The following SEC22B variants were observed in gnomAD, a reference collection of about 807,000 sequenced individuals.
SEC22B encodes the protein SEC22 homolog B, vesicle trafficking protein.
A neutral mutation model predicts 31.4 loss-of-function variants in SEC22B; 10 were observed. The observed-to-expected ratio is 0.32, with a 90% CI of 0.20 to 0.54. SEC22B has a LOEUF of 0.54. Ranked by LOEUF, SEC22B falls within the 20% of genes least tolerant of loss-of-function variation. The pLI is 0.94. For synonymous variants in SEC22B, 60 were observed against 95.9 expected (o/e 0.63, Z 2.19); for missense variants, 130 against 263.4 (o/e 0.49, Z 3.50).
chr1:120,172,745 T>C (rs1321383544), intron 1 of SEC22B, among the ~76,000 whole-genome samples: 2 of 66,974 alleles, frequency 3.0e-5, no homozygotes, highest in East Asian at 4.2e-4. Context: ...GATATCCTCA[T>C]TGTGTTTTCT....
rs587758224 is a variant in SEC22B at position 120,153,167 on chromosome 1, C to T, written c.*3871G>A. The T allele has an allele frequency of 6.6e-6, 1 of 151,740 alleles. No homozygotes were observed. Among genetic ancestry groups the T allele is most frequent in the East Asian group, 1.9e-4 (1 of 5,156 alleles). 9.4% of individuals were successfully genotyped at this position (151,740 alleles called of 1,614,324 possible). A position where few individuals can be genotyped will look rare whatever the true frequency, so the allele number is the denominator to read the frequency against. On this transcript the variant is annotated 3_prime_UTR_variant, in exon 5 of 5. Coordinates refer to ENST00000578049, the MANE Select transcript of SEC22B (RefSeq NM_004892.6). Reference sequence around the variant, plus strand: ...AGTAATAAGAATAGGATGTGAGATTCAATATGCTCATTCTATCTCAAACTC... The same window carrying T: ...AGTAATAAGAATAGGATGTGAGATTTAATATGCTCATTCTATCTCAAACTC...
chr1:120,163,724 C>T (rs1296319827), intron 2 of SEC22B, among the ~76,000 whole-genome samples: 4 of 151,226 alleles, frequency 2.6e-5, no homozygotes, highest in East Asian at 1.9e-4. Context: ...TACAGGCGTG[C>T]GCCACTATGC....
intron 1 of SEC22B, among the ~76,000 whole-genome samples, chr1:120,174,377 A>G (rs1285053183): frequency 1.3e-5 from 2 of 152,338 alleles, no homozygotes; most frequent in African/African-American, 4.8e-5. Context: ...CTTTACAGAC[A>G]TTAAAAGTTT....
In SEC22B at chr1:120,163,338, A is replaced by G. The variant is rs1325932670; in HGVS notation, c.218T>C (p.Val73Ala). 6.2e-7 allele frequency: 1 copy of G among 1,606,326 alleles called. No homozygotes were observed. Among genetic ancestry groups the G allele is most frequent in the Non-Finnish European group, 8.5e-7 (1 of 1,176,396 alleles). ...YIIEQGVCYL[V>A]LCEAAFPKKL... ...CTTAGGGAAGGCAGCTTCACATAAA[A>G]CCAAATAACACACCCCCTGCTCAAT... Residue 73 changes from valine to alanine, a missense_variant, in exon 3 of 5, where the codon GTT (valine) becomes GCT (alanine). Val to Ala is a moderately conservative substitution (Grantham distance 64). Coordinates refer to ENST00000578049, the MANE Select transcript of SEC22B (RefSeq NM_004892.6).
chr1:120,163,295 G>A lies in SEC22B; in HGVS notation c.261C>T (p.Tyr87=). 1.9e-6 allele frequency: 3 copies of A among 1,601,960 alleles called. No individual in the cohort carries two copies. The highest frequency in any genetic ancestry group is 2.2e-5 in the South Asian group (2 of 90,064). The change falls in exon 3 of 5, where the codon TAC becomes TAT. Residue 87 remains tyrosine, a synonymous_variant. Coordinates refer to ENST00000578049, the MANE Select transcript of SEC22B (RefSeq NM_004892.6). ...CAAATTCTGAGTGCAAATCTTCTAG[G>A]TAGGCAAAAGCCAACTTCTTAGGGA... ...AAFPKKLAFA[Y]LEDLHSEFDE... is the part of the protein sequence containing the mutation.
intron 3 of SEC22B, among the ~76,000 whole-genome samples, chr1:120,161,729 A>G (rs1173768391): frequency 1.3e-5 from 2 of 151,912 alleles, no homozygotes; most frequent in East Asian, 1.9e-4. Context: ...TAAAAACTGA[A>G]GTCTCATCCA....
At chr1:120,168,318 C>CACTG (rs1657844307) in intron 2 of SEC22B, among the ~76,000 whole-genome samples, 1 of 151,102 alleles carries the variant, frequency 6.6e-6, no homozygotes, top group South Asian at 2.1e-4. Flanking sequence ...CATTTATAAC[C>CACTG]ACTGATTAAG....
chr1:120,157,000 T>C lies in SEC22B; in HGVS notation c.*38A>G, dbSNP rs1657638223. 7 of 867,648 alleles carry C rather than the reference T, an allele frequency of 8.1e-6. No homozygotes were observed. The East Asian group carries it at 1.9e-4, about 24-fold the overall frequency. The allele number at this position is 867,648 out of a possible 1,614,324, so 53.7% of individuals were successfully genotyped here. Reference sequence around the variant, plus strand: ...TTCCTGAAAATATACACCTACTGGGTTCTAGGTTCTCCCTTACCAGTGACT... The same window carrying C: ...TTCCTGAAAATATACACCTACTGGGCTCTAGGTTCTCCCTTACCAGTGACT... On this transcript the variant is annotated 3_prime_UTR_variant, in exon 5 of 5. Transcript: ENST00000578049.
intron 1 of SEC22B, 50 bp downstream of exon 1, chr1:120,176,257 A>G: frequency 3.2e-6 from 5 of 1,559,568 alleles, no homozygotes; most frequent in Non-Finnish European, 4.4e-6. Flanking sequence ...GCTGAGGGCA[A>G]AGCGCGCTGA....
chr1:120,164,068 T>A (rs1387828238), intron 2 of SEC22B, among the ~76,000 whole-genome samples: 1 of 135,810 alleles, frequency 7.4e-6, no homozygotes, highest in Non-Finnish European at 1.6e-5. Flanking sequence ...CAGGTGATTC[T>A]CACACCTCAG....
At chr1:120,160,360 A>C in intron 4 of SEC22B, 24 bp downstream of exon 4, 4 of 1,583,772 alleles carry the variant, frequency 2.5e-6, no homozygotes, top group Non-Finnish European at 2.6e-6. Flanking sequence ...CCATTTCTTC[A>C]TAAGACTCAT....
At chr1:120,161,646 C>A (rs1423924070) in intron 3 of SEC22B, among the ~76,000 whole-genome samples, 2,946 of 151,724 alleles carry the variant, frequency 0.019, 43 homozygotes, top group African/African-American at 0.067. Flanking sequence ...TTGCAGTTAG[C>A]CAAAATCATG....
chr1:120,151,035 C>G lies in SEC22B; in HGVS notation c.*6003G>C, dbSNP rs1480049009. ...TAATCCATCTTAGCAACCTAATTAC[C>G]TCTTAAAAGTACCATCTCCCAACAC... On this transcript the variant is annotated 3_prime_UTR_variant, in exon 5 of 5. Transcript: ENST00000578049. The G allele has an allele frequency of 3.2e-4, 49 of 152,306 alleles. No homozygotes were observed. Among genetic ancestry groups the G allele is most frequent in the African/African-American group, 1.1e-3 (46 of 41,560 alleles). The allele number at this position is 152,306 out of a possible 1,614,324, so 9.4% of individuals were successfully genotyped here. A position where few individuals can be genotyped will look rare whatever the true frequency, so the allele number is the denominator to read the frequency against.
In SEC22B at chr1:120,150,988, C is replaced by T. The variant is rs1269287009; in HGVS notation, c.*6050G>A. 6.6e-6 allele frequency: 1 copy of T among 152,178 alleles called. No homozygotes were observed. Among genetic ancestry groups the T allele is most frequent in the Non-Finnish European group, 1.5e-5 (1 of 68,036 alleles). The allele number at this position is 152,178 out of a possible 1,614,324, so 9.4% of individuals were successfully genotyped here. A position where few individuals can be genotyped will look rare whatever the true frequency, so the allele number is the denominator to read the frequency against. ...CTAACCATTCCCAGGAGAACCCAGT[C>T]TCAGTGTCAAGAGAAAGATGTTAAT... is the stretch of plus-strand genomic sequence containing the variant. On this transcript the variant is annotated 3_prime_UTR_variant, in exon 5 of 5. Transcript: ENST00000578049.
intron 2 of SEC22B, among the ~76,000 whole-genome samples, chr1:120,163,658 C>G (rs1170157442): frequency 9.0e-4 from 136 of 151,444 alleles, no homozygotes; most frequent in Admixed American, 2.2e-3. Flanking sequence ...TCACTGCAAC[C>G]TCCGCCTCCC....
At chr1:120,169,458 A>G in intron 1 of SEC22B, among the ~76,000 whole-genome samples, 1 of 152,298 alleles carries the variant, frequency 6.6e-6, no homozygotes, top group Non-Finnish European at 1.5e-5. Context: ...CTGCAATTAC[A>G]TAAAAATGAC....
intron 1 of SEC22B, among the ~76,000 whole-genome samples, chr1:120,172,573 T>G (rs2101132873): frequency 6.1e-5 from 1 of 16,286 alleles, no homozygotes; most frequent in East Asian, 9.0e-4. Flanking sequence ...AGTCTTACTA[T>G]GTAATTCTAA....
At position 120,151,240 on chromosome 1, in the gene SEC22B, ATTATT is replaced by A. The variant is rs781792127; in HGVS notation, c.*5793_*5797del. 11 of 152,254 alleles carry A rather than the reference ATTATT, an allele frequency of 7.2e-5. No homozygotes were observed. The East Asian group carries it at 1.5e-3, about 21-fold the overall frequency. 9.4% of individuals were successfully genotyped at this position (152,254 alleles called of 1,614,324 possible). ...ATGTTTGACTGGTTAGAGACGCTAG[ATTATT>A]TTGTGTGGCTAAGACAAAACAAAGC... On this transcript the variant is annotated 3_prime_UTR_variant, in exon 5 of 5. Transcript: ENST00000578049.
intron 2 of SEC22B, 41 bp from the exon 3 acceptor site, chr1:120,163,411 T>A (rs1657751313): frequency 2.3e-6 from 3 of 1,324,022 alleles, no homozygotes; most frequent in Admixed American, 4.3e-5. Flanking sequence ...ATCTGTAAAG[T>A]AATAGCACTG....
Sources: gnomAD v4.1 joint callset for allele counts (sites outside exome capture counted in the v4.1 genomes callset) on GRCh38, gnomAD v4.1.1 for gene constraint, MANE v1.5 for transcripts, NCBI Gene and HGNC (gene_info 2026-07-23, HGNC 2026-07-21) for gene names.